Variants in PAK3 observed in about 807,000 individuals in gnomAD.
The protein encoded by PAK3 is serine/threonine-protein kinase PAK 3.
PAK3 carries 4 observed loss-of-function variants against 41.0 expected under a neutral mutation model. The observed-to-expected ratio is 0.10, with a 90% CI of 0.05 to 0.22. The LOEUF is 0.22. Among genes scored for constraint, PAK3 ranks in the 10% least tolerant of loss-of-function variants. The pLI is 1.00. For synonymous variants in PAK3, 146 were observed against 139.6 expected, an observed-to-expected ratio of 1.05 and a Z score of -0.32; for missense variants, 205 against 409.9, an observed-to-expected ratio of 0.50 and a Z score of 4.32.
intron 1 of PAK3, among the ~76,000 whole-genome samples, chrX:110,972,940 G>A (rs992175402): frequency 5.4e-5 from 6 of 111,611 alleles, no homozygotes; most frequent in African/African-American, 1.6e-4. Flanking sequence ...TAGCCGATTC[G>A]ATCAAGTGGA....
At chrX:110,999,938 A>C (rs908763837) in intron 1 of PAK3, among the ~76,000 whole-genome samples, 2 of 111,632 alleles carry the variant, frequency 1.8e-5, no homozygotes, top group African/African-American at 3.3e-5. Flanking sequence ...ACTACATTCC[A>C]ACTTGGGTGA....
chrX:110,969,450 ATTTTTTTT>A lies in PAK3; in HGVS notation c.-28+24837_-28+24844del, dbSNP rs35064494. Among the ~76,000 whole-genome samples, 9 of 47,320 alleles carry A rather than the reference ATTTTTTTT, an allele frequency of 1.9e-4. No individual in the cohort carries two copies. In the East Asian group the frequency reaches 2.1e-3, roughly 11 times the overall value. The allele number at this position is 47,320 out of a possible 115,157, so 41.1% of individuals were successfully genotyped here. ...AGGCGTGTGCTACCAGACGTGGCTA[ATTTTTTTT>A]TTTTTTTTTTTTTTGGATTTTTAGT... On this transcript the variant is annotated intron_variant, in intron 1 of 14. Coordinates refer to the PAK3 transcript ENST00000425146.
In PAK3 at chrX:111,036,214, G is replaced by A. The variant is rs778982309; in HGVS notation, c.-27-86863G>A. Among the ~76,000 whole-genome samples the A allele has an allele frequency of 1.5e-3, 168 of 112,127 alleles. 3 individuals carry two copies. The highest frequency in any genetic ancestry group is 1.3e-3 in the Non-Finnish European group (68 of 53,234). On this transcript the variant is annotated intron_variant, in intron 1 of 14. Coordinates refer to the PAK3 transcript ENST00000425146. ...AAATAGCAGCTGAGTCTATTAAGTA[G>A]GTAGATAGGCTTGTGGCCCCAACAA... is the stretch of plus-strand genomic sequence containing the variant.
chrX:111,157,647 C>T (rs994458702), intron 8 of PAK3, among the ~76,000 whole-genome samples: 3 of 110,240 alleles, frequency 2.7e-5, no homozygotes, highest in Non-Finnish European at 5.7e-5. Flanking sequence ...ATTAGCTGGG[C>T]GTGGTGGCAC....
chrX:111,105,611 A>C lies in PAK3; in HGVS notation c.-28+2305A>C, dbSNP rs141179297. 9.0e-3 allele frequency among the ~76,000 whole-genome samples: 1,004 copies of C among 111,885 alleles called. 12 individuals are homozygous for C. The highest frequency in any genetic ancestry group is 0.03 in the African/African-American group (933 of 30,766). On this transcript the variant is annotated intron_variant, in intron 4 of 17. Transcript: ENST00000372007. ...CTCACCCACTTGCACTTTTACACTT[A>C]GAATTACACACTTTTGCATTCACAT...
rs1435185957 is a variant in PAK3 at position 111,185,430 on chromosome X, C to A, written c.831-6697C>A. Among the ~76,000 whole-genome samples the A allele has an allele frequency of 8.1e-5, 9 of 111,194 alleles. No homozygotes were observed. In the Admixed American group the frequency reaches 8.6e-4, roughly 11 times the overall value. On this transcript the variant is annotated intron_variant, in intron 11 of 17. Coordinates refer to ENST00000372007, the MANE Select transcript of PAK3 (RefSeq NM_002578.5). ...TTCTATTTGTTAATTTTGGCTTTTG[C>A]TTCCATTGCTTTTGGTGTTTTAATC...
At chrX:111,102,890 C>T (rs549036256) in intron 3 of PAK3, among the ~76,000 whole-genome samples, 1 of 112,206 alleles carries the variant, frequency 8.9e-6, no homozygotes, top group Non-Finnish European at 1.9e-5. Context: ...CTCCCACTTC[C>T]GTGCCCTTTC....
Position 110,947,945 on chromosome X carries a change from G to A in PAK3, c.-28+3317G>A, listed in dbSNP as rs142857760. Among the ~76,000 whole-genome samples the A allele has an allele frequency of 7.9e-3, 882 of 111,981 alleles. 9 individuals are homozygous for A. Among genetic ancestry groups the A allele is most frequent in the African/African-American group, 0.026 (803 of 30,812 alleles). On this transcript the variant is annotated intron_variant, in intron 1 of 14. Transcript: ENST00000425146. ...TGATGACAACTAAGATAATATCTCT[G>A]TAAGTATTTTGAGCTGCTTAGAAGA...
intron 8 of PAK3, among the ~76,000 whole-genome samples, chrX:111,160,420 A>G (rs1249264691): frequency 9.1e-6 from 1 of 109,799 alleles, no homozygotes; most frequent in African/African-American, 3.4e-5. Flanking sequence ...CTTGAAACAC[A>G]TCTCAATTCA....
chrX:111,077,019 C>T (rs1250076270), intron 1 of PAK3, among the ~76,000 whole-genome samples: 2 of 110,690 alleles, frequency 1.8e-5, no homozygotes, highest in Non-Finnish European at 3.8e-5. Flanking sequence ...TGAACTATCC[C>T]CCCCCAAAAA....
intron 1 of PAK3, among the ~76,000 whole-genome samples, chrX:110,952,604 C>T (rs2090766694): frequency 9.0e-6 from 1 of 110,568 alleles, no homozygotes; most frequent in African/African-American, 3.3e-5. Context: ...TAGTGTGGTA[C>T]TGACACAGCC....
At chrX:111,035,131 A>AAAAAAAAAG (rs2092383860) in intron 1 of PAK3, among the ~76,000 whole-genome samples, 1 of 54,265 alleles carries the variant, frequency 1.8e-5, no homozygotes, top group African/African-American at 5.9e-5. Flanking sequence ...AAAAAAAAAA[A>AAAAAAAAAG]AAAGAAAGAA....
At chrX:111,201,911 A>G (rs771480621) in intron 16 of PAK3, among the ~76,000 whole-genome samples, 2 of 110,886 alleles carry the variant, frequency 1.8e-5, no homozygotes, top group Non-Finnish European at 3.8e-5. Context: ...AAGGATGTTT[A>G]GAGGGTTTTT....
chrX:111,183,018 A>G (rs756826364), intron 11 of PAK3, among the ~76,000 whole-genome samples: 50 of 111,832 alleles, frequency 4.5e-4, no homozygotes, highest in Admixed American at 9.5e-5. Context: ...AGGTACAAAC[A>G]TGAGCTTTGG....
intron 16 of PAK3, among the ~76,000 whole-genome samples, chrX:111,198,741 A>G (rs183462203): frequency 1.2e-3 from 128 of 110,956 alleles, no homozygotes; most frequent in Non-Finnish European, 2.3e-3. Flanking sequence ...GGCTTGTAGT[A>G]CAGTTTAAAG....
intron 1 of PAK3, among the ~76,000 whole-genome samples, chrX:111,020,280 G>A (rs760070478): frequency 1.2e-4 from 13 of 112,086 alleles, no homozygotes; most frequent in African/African-American, 1.6e-4. Flanking sequence ...ATTATGCTAC[G>A]TGTAATAAGC....
At chrX:111,218,488 G>C (rs1300754576) in intron 17 of PAK3, among the ~76,000 whole-genome samples, 1 of 112,245 alleles carries the variant, frequency 8.9e-6, no homozygotes, top group East Asian at 2.8e-4. Flanking sequence ...AAACAGGAAA[G>C]AGGTCTTCTG....
At chrX:110,980,524 T>C (rs1163376653) in intron 1 of PAK3, among the ~76,000 whole-genome samples, 2 of 111,365 alleles carry the variant, frequency 1.8e-5, no homozygotes, top group East Asian at 5.7e-4. Context: ...CTGTCTATTG[T>C]AGGGGCCAAG....
rs954443077 is a variant in PAK3, at chrX:111,069,640, G to A, written c.-27-53437G>A. On this transcript the variant is annotated intron_variant, in intron 1 of 14. Transcript: ENST00000425146. ...GCCTTGTGACACAAGTCTGTATCTC[G>A]TATCTCATATCTCAGAACAGGGGCC... 6.4e-5 allele frequency among the ~76,000 whole-genome samples: 7 copies of A among 109,609 alleles called. 1 individual carries two copies. The highest frequency in any genetic ancestry group is 2.3e-4 in the African/African-American group (7 of 30,063).
Sources: allele counts gnomAD v4.1 joint callset (sites outside exome capture counted in the v4.1 genomes callset), GRCh38; gene constraint gnomAD v4.1.1; transcripts MANE v1.5; gene names NCBI Gene and HGNC (gene_info 2026-07-23, HGNC 2026-07-21).